HSD17B2: variants seen among roughly 807,000 people sequenced by gnomAD.
HSD17B2 encodes the protein 17-beta-hydroxysteroid dehydrogenase type 2.
In HSD17B2, 32 loss-of-function variants were observed where a neutral mutation model predicts 26.9. The ratio of observed to expected loss-of-function variants is 1.19; its 90% confidence interval spans 0.90 to 1.60. The LOEUF is 1.60. Ranked by LOEUF, HSD17B2 falls within the 40% of genes most tolerant of loss-of-function variation. The pLI, the probability that HSD17B2 is intolerant of heterozygous loss-of-function variation, is 0.00. For synonymous variants in HSD17B2, 246 were observed against 186.7 expected (o/e 1.32, Z -2.59); for missense variants, 613 against 468.6 (o/e 1.31, Z -2.85).
chr16:82,055,105 G>T (rs1438504150), intron 1 of HSD17B2, among the ~76,000 whole-genome samples: 2 of 152,164 alleles, frequency 1.3e-5, no homozygotes, highest in African/African-American at 4.8e-5. Context: ...ATGTTCCCTG[G>T]GGGGGAACTG....
intron 1 of HSD17B2, among the ~76,000 whole-genome samples, chr16:82,036,896 C>A (rs1913640703): frequency 6.6e-6 from 1 of 152,104 alleles, no homozygotes; most frequent in South Asian, 2.1e-4. Flanking sequence ...AAGAGAGTCT[C>A]AATTTTCCTG....
intron 1 of HSD17B2, among the ~76,000 whole-genome samples, chr16:82,055,905 G>T (rs1914252279): frequency 6.6e-6 from 1 of 152,170 alleles, no homozygotes; most frequent in Non-Finnish European, 1.5e-5. Flanking sequence ...TAAGGGAGAG[G>T]TGATTTGATT....
chr16:82,097,615 A>C (rs1904889238), intron 4 of HSD17B2: 1 of 152,444 alleles, frequency 6.6e-6, no homozygotes, highest in Admixed American at 6.5e-5. Context: ...AGAAATGATA[A>C]TAAATGCCAT....
At chr16:82,071,492 A>G (rs1324188521) in intron 3 of HSD17B2, 6 of 358,554 alleles carry the variant, frequency 1.7e-5, no homozygotes, top group South Asian at 2.2e-5. Context: ...AATTTAACAC[A>G]CTGTGTTCAG....
chr16:82,081,588 A>G (rs1263282144), intron 3 of HSD17B2, among the ~76,000 whole-genome samples: 1 of 152,184 alleles, frequency 6.6e-6, no homozygotes, highest in Non-Finnish European at 1.5e-5. Context: ...ATAAGAGTGG[A>G]CAAATAAGCA....
intron 3 of HSD17B2, among the ~76,000 whole-genome samples, chr16:82,080,434 G>A (rs1904348476): frequency 6.6e-6 from 1 of 152,174 alleles, no homozygotes; most frequent in Admixed American, 6.5e-5. Flanking sequence ...GTACCTAGGT[G>A]GCTTTGAAGA....
chr16:82,049,367 T>C (rs985184505), intron 1 of HSD17B2, among the ~76,000 whole-genome samples: 4 of 152,238 alleles, frequency 2.6e-5, no homozygotes, highest in Admixed American at 6.5e-5. Context: ...GAAGTTGAGA[T>C]ACTTTCTCCT....
At chr16:82,091,382 A>G (rs1404727289) in intron 4 of HSD17B2, 3 of 330,148 alleles carry the variant, frequency 9.1e-6, no homozygotes, top group Non-Finnish European at 1.7e-5. Context: ...GCAATTAAAG[A>G]AGTCCAGATT....
intron 1 of HSD17B2, among the ~76,000 whole-genome samples, chr16:82,045,626 C>T (rs1034271281): frequency 2.6e-5 from 4 of 152,360 alleles, no homozygotes; most frequent in Admixed American, 6.5e-5. Context: ...TGTGCCTCAT[C>T]AGCCTCATAC....
At chr16:82,077,762 A>G (rs1399311181) in intron 3 of HSD17B2, among the ~76,000 whole-genome samples, 1 of 151,780 alleles carries the variant, frequency 6.6e-6, no homozygotes. Context: ...AAGAAAGAAA[A>G]GAAAGAAAGA....
chr16:82,065,184 G>T (rs1914541690), intron 1 of HSD17B2, among the ~76,000 whole-genome samples: 1 of 152,214 alleles, frequency 6.6e-6, no homozygotes, highest in African/African-American at 2.4e-5. Context: ...AAAGTGCAAA[G>T]TTCATGATTC....
At chr16:82,053,540 T>C (rs1022592895) in intron 1 of HSD17B2, among the ~76,000 whole-genome samples, 1 of 152,168 alleles carries the variant, frequency 6.6e-6, no homozygotes, top group Admixed American at 6.5e-5. Context: ...GGAAAGTTCA[T>C]AGCGCTAGCC....
rs1231745179 is a variant in HSD17B2 at position 82,039,276 on chromosome 16, CAA to C, written c.265+3589_265+3590del. Among the ~76,000 whole-genome samples, 4 of 151,752 alleles carry C rather than the reference CAA, an allele frequency of 2.6e-5. No individual in the cohort carries two copies. In the East Asian group the frequency reaches 7.7e-4, roughly 29 times the overall value. ...ACACACACACACACACACACACGCA[CAA>C]ACACACACACACCCCTGCATATGTT... On this transcript the variant is annotated intron_variant, in intron 1 of 4. Transcript: ENST00000199936.
At chr16:82,041,965 C>T (rs979506953) in intron 1 of HSD17B2, among the ~76,000 whole-genome samples, 12 of 151,730 alleles carry the variant, frequency 7.9e-5, no homozygotes, top group African/African-American at 2.9e-4. Context: ...TTATCATCTC[C>T]TCTTGTGATC....
At chr16:82,097,555 A>G (rs1307779883) in intron 4 of HSD17B2, 1 of 152,102 alleles carries the variant, frequency 6.6e-6, no homozygotes, top group East Asian at 1.9e-4. Context: ...CACATGGGCT[A>G]TCAGTTTGGA....
intron 1 of HSD17B2, among the ~76,000 whole-genome samples, chr16:82,040,003 A>AAGTGAGAAGGTATTCC (rs1334321026): frequency 8.5e-5 from 13 of 152,352 alleles, no homozygotes; most frequent in Admixed American, 8.5e-4. Context: ...TCTAGGGGGA[A>AAGTGAGAAGGTATTCC]AGTGAGAAGG....
chr16:82,078,601 G>A (rs961359791), intron 3 of HSD17B2, among the ~76,000 whole-genome samples: 1 of 152,214 alleles, frequency 6.6e-6, no homozygotes, highest in Non-Finnish European at 1.5e-5. Flanking sequence ...CTATAGCCAA[G>A]ATTTGGAAGT....
intron 1 of HSD17B2, among the ~76,000 whole-genome samples, chr16:82,040,937 G>C (rs914344274): frequency 6.6e-6 from 1 of 152,210 alleles, no homozygotes; most frequent in African/African-American, 2.4e-5. Flanking sequence ...CCCTTAGTGA[G>C]TCTATAATTC....
At chr16:82,063,475 G>A (rs959805701) in intron 1 of HSD17B2, among the ~76,000 whole-genome samples, 4 of 152,054 alleles carry the variant, frequency 2.6e-5, no homozygotes, top group Non-Finnish European at 4.4e-5. Flanking sequence ...ATTCGCCTAT[G>A]CCACACTGCC....
Sources: gnomAD v4.1 joint callset for allele counts (sites outside exome capture counted in the v4.1 genomes callset) on GRCh38, gnomAD v4.1.1 for gene constraint, MANE v1.5 for transcripts, NCBI Gene and HGNC (gene_info 2026-07-23, HGNC 2026-07-21) for gene names.